LRRTM4: variants seen among roughly 807,000 people sequenced by gnomAD.
LRRTM4 encodes leucine-rich repeat transmembrane neuronal protein 4.
A neutral mutation model predicts 47.6 loss-of-function variants in LRRTM4; 25 were observed. The ratio of observed to expected loss-of-function variants is 0.53; its 90% confidence interval spans 0.38 to 0.73. The LOEUF (loss-of-function observed/expected upper bound fraction) is 0.73, where lower values mean the gene tolerates loss of function less well. Ranked by LOEUF, LRRTM4 falls within the 30% of genes least tolerant of loss-of-function variation. LRRTM4 has a pLI of 0.00. For missense variants in LRRTM4, 638 were observed against 713.4 expected, an observed-to-expected ratio of 0.89 and a Z score of 1.20; for synonymous variants, 311 against 269.5, an observed-to-expected ratio of 1.15 and a Z score of -1.51.
chr2:76,803,150 A>G (rs1038193743), intron 3 of LRRTM4, among the ~76,000 whole-genome samples: 2 of 152,164 alleles, frequency 1.3e-5, no homozygotes, highest in African/African-American at 4.8e-5. Flanking sequence ...AGCCAGGGAC[A>G]GAGTGAAGGG....
At chr2:77,261,216 G>A (rs561551198) in intron 3 of LRRTM4, among the ~76,000 whole-genome samples, 10 of 152,126 alleles carry the variant, frequency 6.6e-5, no homozygotes, top group South Asian at 2.1e-4. Context: ...AAGCCAAAGC[G>A]TAGTGCAGAA....
rs1347380747 is a variant in LRRTM4, at chr2:77,519,914, A to T, written c.5-50T>A. ...TGCACATTGTGAAGCTATTAAAATA[A>T]ATCACCGTCGGTTTACCAACAACAG... On this transcript the variant is annotated intron_variant, in intron 2 of 3. Transcript: ENST00000409884. The surrounding 1 kb of genome is among the most constrained non-coding windows in gnomAD (Gnocchi z 4.6). 6.7e-7 allele frequency: 1 copy of T among 1,488,072 alleles called. No homozygotes were observed. The highest frequency in any genetic ancestry group is 8.9e-7 in the Non-Finnish European group (1 of 1,117,996). The allele number at this position is 1,488,072 out of a possible 1,614,324, so 92.2% of individuals were successfully genotyped here. A position where few individuals can be genotyped will look rare whatever the true frequency, so the allele number is the denominator to read the frequency against.
At chr2:77,078,346 T>C (rs1396540897) in intron 3 of LRRTM4, among the ~76,000 whole-genome samples, 1 of 150,000 alleles carries the variant, frequency 6.7e-6, no homozygotes, top group African/African-American at 2.5e-5. Flanking sequence ...GATAATTTTA[T>C]TGAAAAAAAT....
intron 3 of LRRTM4, among the ~76,000 whole-genome samples, chr2:77,114,946 G>A (rs910385574): frequency 2.6e-5 from 4 of 152,078 alleles, no homozygotes; most frequent in Non-Finnish European, 5.9e-5. Flanking sequence ...CAGGAAACAG[G>A]GTTCAAGAGC....
chr2:77,182,727 A>G (rs1423238790), intron 3 of LRRTM4, among the ~76,000 whole-genome samples: 1 of 152,084 alleles, frequency 6.6e-6, no homozygotes, highest in Non-Finnish European at 1.5e-5. Context: ...GAGTGGTGAG[A>G]GAGGGCATCC....
rs559449250 is a variant in LRRTM4, at chr2:77,075,690, C to T, written c.1552-326774G>A. ...CAGCACTTTGGGAGGCCGAGGCGGG[C>T]AGATCACGAGGTCAGGAGATCGAGA... is the stretch of plus-strand genomic sequence containing the variant. On this transcript the variant is annotated intron_variant, in intron 3 of 3. Coordinates refer to ENST00000409884, the MANE Select transcript of LRRTM4 (RefSeq NM_001134745.3). Among the ~76,000 whole-genome samples the T allele has an allele frequency of 3.2e-4, 48 of 151,532 alleles. No individual in the cohort carries two copies. The East Asian group carries it at 8.7e-3, about 28-fold the overall frequency.
chr2:77,382,532 C>T (rs1368035584), intron 3 of LRRTM4, among the ~76,000 whole-genome samples: 2 of 152,060 alleles, frequency 1.3e-5, no homozygotes, highest in Non-Finnish European at 2.9e-5. Flanking sequence ...AGACTACATT[C>T]TGAGGAAAAC....
At chr2:76,809,459 C>T (rs1466288581) in intron 3 of LRRTM4, among the ~76,000 whole-genome samples, 1 of 152,106 alleles carries the variant, frequency 6.6e-6, no homozygotes, top group Non-Finnish European at 1.5e-5. Flanking sequence ...TTTTCATAAA[C>T]TACATCCAAT....
chr2:77,495,202 C>A (rs535301548), intron 3 of LRRTM4, among the ~76,000 whole-genome samples: 23 of 93,276 alleles, frequency 2.5e-4, no homozygotes, highest in African/African-American at 7.7e-4. Context: ...TCATGTTTAA[C>A]TTTAATCAAC....
chr2:76,812,919 T>C (rs2103828135), intron 3 of LRRTM4, among the ~76,000 whole-genome samples: 1 of 151,876 alleles, frequency 6.6e-6, no homozygotes, highest in Admixed American at 6.6e-5. Flanking sequence ...ATAGGATTTT[T>C]CCAAGTCAGA....
At chr2:76,925,782 T>C (rs1573322233) in intron 3 of LRRTM4, among the ~76,000 whole-genome samples, 1 of 152,256 alleles carries the variant, frequency 6.6e-6, no homozygotes, top group Admixed American at 6.5e-5. Flanking sequence ...CAATTTTGCA[T>C]GGCAAAGTGG....
At chr2:77,318,859 T>C (rs1677698192) in intron 3 of LRRTM4, among the ~76,000 whole-genome samples, 2 of 145,556 alleles carry the variant, frequency 1.4e-5, no homozygotes, top group African/African-American at 2.8e-5. Flanking sequence ...CTGAGTGTTG[T>C]AGATTTTTTA....
chr2:76,881,197 T>C (rs1055005879), intron 3 of LRRTM4, among the ~76,000 whole-genome samples: 1 of 152,188 alleles, frequency 6.6e-6, no homozygotes, highest in Non-Finnish European at 1.5e-5. Flanking sequence ...ATCATAAATA[T>C]GTACAGTTAT....
At chr2:77,167,732 C>T (rs939373639) in intron 3 of LRRTM4, among the ~76,000 whole-genome samples, 4 of 152,078 alleles carry the variant, frequency 2.6e-5, no homozygotes, top group Non-Finnish European at 1.5e-5. Flanking sequence ...TGTTCTCACT[C>T]ATAGGTGGGA....
intron 3 of LRRTM4, among the ~76,000 whole-genome samples, chr2:76,973,192 A>G (rs1260723164): frequency 6.6e-6 from 1 of 152,028 alleles, no homozygotes; most frequent in Admixed American, 6.6e-5. Flanking sequence ...GATCAGTGAC[A>G]CTGAATTACC....
At chr2:77,305,911 T>C (rs1272152365) in intron 3 of LRRTM4, among the ~76,000 whole-genome samples, 1 of 152,172 alleles carries the variant, frequency 6.6e-6, no homozygotes, top group African/African-American at 2.4e-5. Context: ...TTTGAAGGCA[T>C]ACATAAGCCA....
intron 3 of LRRTM4, among the ~76,000 whole-genome samples, chr2:76,967,226 G>C (rs1201215817): frequency 6.7e-6 from 1 of 150,112 alleles, no homozygotes; most frequent in African/African-American, 2.4e-5. Context: ...AGTACTTGTG[G>C]ATTTATTCCA....
chr2:77,272,939 T>C (rs1351504971), intron 3 of LRRTM4, among the ~76,000 whole-genome samples: 1 of 152,314 alleles, frequency 6.6e-6, no homozygotes, highest in East Asian at 1.9e-4. Context: ...AGCCATATTT[T>C]TACATATGTT....
chr2:76,940,039 TG>T (rs1436148087), intron 3 of LRRTM4, among the ~76,000 whole-genome samples: 1 of 152,168 alleles, frequency 6.6e-6, no homozygotes, highest in East Asian at 1.9e-4. Context: ...ACACTCTTGG[TG>T]GGGGTGTAAA....
Sources: gnomAD v4.1 joint callset for allele counts (sites outside exome capture counted in the v4.1 genomes callset) on GRCh38, gnomAD v4.1.1 for gene constraint, Gnocchi (gnomAD v3.1) non-coding constraint, MANE v1.5 for transcripts, NCBI Gene and HGNC (gene_info 2026-07-23, HGNC 2026-07-21) for gene names.